Variants in WDR72 observed in about 807,000 individuals in gnomAD.
WDR72 encodes the protein WD repeat-containing protein 72.
WDR72 carries 120 observed loss-of-function variants against 124.2 expected under a neutral mutation model. The ratio of observed to expected loss-of-function variants is 0.97; its 90% CI spans 0.83 to 1.12. WDR72 has a LOEUF of 1.12. Among genes scored for constraint, WDR72 ranks in the 50% most tolerant of loss-of-function variants. The probability of loss-of-function intolerance (pLI) is 0.00; values close to 1 mark genes in which losing one functional copy is unlikely to be tolerated. For synonymous variants in WDR72, 452 were observed against 441.7 expected (o/e 1.02, Z -0.29); for missense variants, 1,387 against 1,278.8 (o/e 1.08, Z -1.29).
At chr15:53,706,371 T>TATATATATATACATATATATATATATAC (rs2017372748) in intron 9 of WDR72, among the ~76,000 whole-genome samples, 13 of 52,638 alleles carry the variant, frequency 2.5e-4, no homozygotes, top group East Asian at 2.0e-3. Context: ...TATATATATA[T>TATATATATATACATATATATATATATAC]ATATATATAT....
chr15:53,742,978 A>G (rs2018548496), intron 1 of WDR72, among the ~76,000 whole-genome samples: 1 of 152,194 alleles, frequency 6.6e-6, no homozygotes, highest in South Asian at 2.1e-4. Flanking sequence ...GTAACTCTCA[A>G]ATAATTCCTA....
intron 1 of WDR72, among the ~76,000 whole-genome samples, chr15:53,749,552 C>T (rs989356232): frequency 4.6e-5 from 7 of 152,080 alleles, no homozygotes; most frequent in East Asian, 1.9e-4. Flanking sequence ...CTATAATGGC[C>T]TCTAAGTGTT....
intron 13 of WDR72, among the ~76,000 whole-genome samples, chr15:53,673,462 T>C (rs1025598716): frequency 6.6e-6 from 1 of 152,188 alleles, no homozygotes; most frequent in Admixed American, 6.5e-5. Context: ...AAATTATACA[T>C]AAATACATTT....
intron 18 of WDR72, among the ~76,000 whole-genome samples, chr15:53,579,545 T>C (rs976844313): frequency 6.6e-6 from 1 of 151,936 alleles, no homozygotes; most frequent in Non-Finnish European, 1.5e-5. Context: ...ATGGGCGAAA[T>C]ACTAAATAAA....
At chr15:53,725,620 G>T (rs961048481) in intron 2 of WDR72, among the ~76,000 whole-genome samples, 1 of 152,000 alleles carries the variant, frequency 6.6e-6, no homozygotes, top group Non-Finnish European at 1.5e-5. Context: ...ATTACTCAGC[G>T]CTAAAAAGAA....
intron 18 of WDR72, among the ~76,000 whole-genome samples, chr15:53,544,609 G>T (rs1227188006): frequency 6.7e-6 from 1 of 149,016 alleles, no homozygotes; most frequent in Non-Finnish European, 1.5e-5. Flanking sequence ...CACAAGACAG[G>T]GATGCCCTCT....
intron 16 of WDR72, among the ~76,000 whole-genome samples, chr15:53,611,280 C>T (rs1272719739): frequency 1.3e-5 from 2 of 152,030 alleles, no homozygotes; most frequent in African/African-American, 4.8e-5. Flanking sequence ...TTCCCTACTC[C>T]TTAGCTGAAT....
Position 53,536,221 on chromosome 15 carries a change from G to A in WDR72, c.3149-12899C>T, listed in dbSNP as rs188658717. On this transcript the variant is annotated intron_variant, in intron 18 of 19. Coordinates refer to ENST00000360509, the MANE Select transcript of WDR72 (RefSeq NM_182758.4). ...TTTCCTTTACCAGTCACCCTCCAAA[G>A]GAAAAGAGAAAAGAAAGTATGTCAC... 2.4e-3 allele frequency among the ~76,000 whole-genome samples: 362 copies of A among 152,196 alleles called. 1 individual carries two copies. Among genetic ancestry groups the A allele is most frequent in the African/African-American group, 8.4e-3 (349 of 41,522 alleles).
intron 13 of WDR72, among the ~76,000 whole-genome samples, chr15:53,677,518 C>G (rs552136380): frequency 6.6e-6 from 1 of 152,184 alleles, no homozygotes; most frequent in South Asian, 2.1e-4. Context: ...TGGGAGGGAC[C>G]CCGTGGGAGG....
chr15:53,562,812 G>C (rs967635729), intron 18 of WDR72, among the ~76,000 whole-genome samples: 5 of 151,648 alleles, frequency 3.3e-5, no homozygotes, highest in African/African-American at 9.7e-5. Flanking sequence ...GTATATGATG[G>C]CAGGCAATGC....
intron 14 of WDR72, among the ~76,000 whole-genome samples, chr15:53,622,955 G>A (rs2014059253): frequency 6.6e-6 from 1 of 151,902 alleles, no homozygotes; most frequent in Admixed American, 6.6e-5. Context: ...AATAATCAAA[G>A]GCTAATATTT....
intron 14 of WDR72, among the ~76,000 whole-genome samples, chr15:53,651,802 G>A (rs756805568): frequency 2.6e-5 from 4 of 151,982 alleles, no homozygotes; most frequent in East Asian, 1.9e-4. Flanking sequence ...AAAGGTGCGC[G>A]ACACCATGCC....
intron 2 of WDR72, among the ~76,000 whole-genome samples, chr15:53,728,165 T>C (rs2018097638): frequency 6.6e-6 from 1 of 152,094 alleles, no homozygotes; most frequent in East Asian, 1.9e-4. Flanking sequence ...CCAATCATGG[T>C]GGAAGGCAAG....
chr15:53,620,175 T>C (rs1039994761), intron 14 of WDR72, among the ~76,000 whole-genome samples: 4 of 152,006 alleles, frequency 2.6e-5, no homozygotes, highest in Non-Finnish European at 4.4e-5. Flanking sequence ...AAAATGGTCA[T>C]TGAGGATTTT....
intron 1 of WDR72, among the ~76,000 whole-genome samples, chr15:53,751,282 C>T (rs2018767908): frequency 6.6e-6 from 1 of 151,856 alleles, no homozygotes; most frequent in Middle Eastern, 3.4e-3. Flanking sequence ...TCAATCAATG[C>T]AGCAAACTTC....
intron 1 of WDR72, among the ~76,000 whole-genome samples, chr15:53,740,736 C>T (rs539087687): frequency 2.6e-5 from 4 of 152,168 alleles, no homozygotes; most frequent in Non-Finnish European, 5.9e-5. Context: ...TTCCTCTTTT[C>T]ATTATTTTTA....
At chr15:53,686,084 C>T (rs1286464332) in intron 13 of WDR72, among the ~76,000 whole-genome samples, 21 of 149,460 alleles carry the variant, frequency 1.4e-4, no homozygotes, top group East Asian at 4.0e-4. Context: ...AAGGAACAAC[C>T]GGTACCAGCC....
intron 18 of WDR72, among the ~76,000 whole-genome samples, chr15:53,536,979 GAGGTAA>G (rs1470896880): frequency 6.6e-6 from 1 of 152,162 alleles, no homozygotes; most frequent in Non-Finnish European, 1.5e-5. Context: ...CAATTAAACA[GAGGTAA>G]ATAGAAGGAA....
Position 53,714,527 on chromosome 15 carries a change from A to G in WDR72, c.515-17T>C, listed in dbSNP as rs372340764. The G allele has an allele frequency of 1.3e-6, 2 of 1,597,228 alleles. No homozygotes were observed. The highest frequency in any genetic ancestry group is 2.7e-5 in the African/African-American group (2 of 74,692). On this transcript the variant is annotated splice_polypyrimidine_tract_variant and intron_variant, in intron 5 of 19. Transcript: ENST00000360509. The stretch of plus-strand genomic sequence containing the variant: ...GAGAATCTTCTGTGAAAATAATAAA[A>G]GTCACATATAAGCTTACCATGGATA...
Sources: allele counts gnomAD v4.1 joint callset (sites outside exome capture counted in the v4.1 genomes callset), GRCh38; gene constraint gnomAD v4.1.1; transcripts MANE v1.5; gene names NCBI Gene and HGNC (gene_info 2026-07-23, HGNC 2026-07-21).